The following PHF3 variants were observed in gnomAD, a reference collection of about 807,000 sequenced individuals.
PHF3 encodes PHD finger protein 3.
PHF3 carries 41 observed loss-of-function variants against 178.4 expected under a neutral mutation model. The ratio of observed to expected loss-of-function variants is 0.23; its 90% CI spans 0.18 to 0.30. The LOEUF is 0.30. Among genes scored for constraint, PHF3 ranks in the 10% least tolerant of loss-of-function variants. The pLI is 1.00. For missense variants in PHF3, 2,346 were observed against 2,398.1 expected (o/e 0.98, Z 0.45); for synonymous variants, 842 against 800.5 (o/e 1.05, Z -0.88).
At chr6:63,705,284 C>T (rs1025917500) in intron 11 of PHF3, among the ~76,000 whole-genome samples, 1 of 152,146 alleles carries the variant, frequency 6.6e-6, no homozygotes, top group Non-Finnish European at 1.5e-5. Context: ...ACATTCTCTT[C>T]TTCTAATTTT....
Position 63,709,182 on chromosome 6 carries a change from G to A in PHF3, c.3743G>A (p.Arg1248Lys), listed in dbSNP as rs1282059376. Residue 1248 changes from arginine (R) to lysine (K), a missense_variant, in exon 14 of 16, where the codon AGG (arginine) becomes AAG (lysine). This residue lies in a region of PHF3 where 90 missense variants were observed against 136.6 expected (regional missense o/e 0.66). Coordinates refer to ENST00000262043, the MANE Select transcript of PHF3 (RefSeq NM_001370348.2). ...CCAGATAGTATTCAAGTAGGTGGCA[G>A]GATATCACCTCAGACAGTTTGGGAT... Reference protein sequence around the residue: ...DLPDSIQVGGRISPQTVWDYV... With the variant: ...DLPDSIQVGGKISPQTVWDYV... 6.2e-7 allele frequency: 1 copy of A among 1,609,494 alleles called. No homozygotes were observed. The highest frequency in any genetic ancestry group is 8.5e-7 in the Non-Finnish European group (1 of 1,177,584).
rs1392927781 is a variant in PHF3, at chr6:63,679,982, T to C, written c.245-18T>C. On this transcript the variant is annotated intron_variant, in intron 2 of 15. Coordinates refer to ENST00000262043, the MANE Select transcript of PHF3 (RefSeq NM_001370348.2). ...CCCAATATTTTTAAAAGTTAATTTT[T>C]TTGTCGTTTTTTTCTAGTTGTTGGT... is the stretch of plus-strand genomic sequence containing the variant. 24 of 1,602,058 alleles carry C rather than the reference T, an allele frequency of 1.5e-5. No individual in the cohort carries two copies. Among genetic ancestry groups the C allele is most frequent in the Non-Finnish European group, 2.0e-5 (23 of 1,172,644 alleles).
chr6:63,704,812 C>T (rs188437752), intron 11 of PHF3, among the ~76,000 whole-genome samples: 84 of 152,190 alleles, frequency 5.5e-4, no homozygotes, highest in Non-Finnish European at 6.9e-4. Context: ...TATAAGAAAC[C>T]TCCAAACTAT....
Position 63,684,941 on chromosome 6 carries a change from T to A in PHF3, c.1219T>A (p.Ser407Thr). ...EPLGYCEDAE[S>T]NRQLESTEFN... ...GTTGGGTTATTGTGAAGATGCGGAG[T>A]CTAATAGGCAGTTGGAGAGCACTGA... The change falls in exon 4 of 16, where the codon TCT becomes ACT. Residue 407 changes from serine to threonine, a missense_variant. By Grantham distance (58) the Ser-to-Thr change is moderately conservative. Transcript: ENST00000262043. 1 of 1,613,834 alleles carries A rather than the reference T, an allele frequency of 6.2e-7. No individual in the cohort carries two copies. Among genetic ancestry groups the A allele is most frequent in the Non-Finnish European group, 8.5e-7 (1 of 1,179,910 alleles).
chr6:63,645,621 A>T (rs1764751779), intron 1 of PHF3, among the ~76,000 whole-genome samples: 1 of 152,160 alleles, frequency 6.6e-6, no homozygotes, highest in African/African-American at 2.4e-5. Context: ...AATTAATATT[A>T]ACTTTTTTCG....
rs1767977175 is a variant in PHF3, at chr6:63,712,266, C to G, written c.4678C>G (p.Leu1560Val). Residue 1560 changes from leucine (L) to valine (V), a missense_variant, in exon 16 of 16, where the codon CTC becomes GTC. By Grantham distance (32) the Leu-to-Val change is conservative. Transcript: ENST00000262043. ...ISAGSLTSLSLRGKPPDVSTE... is the reference protein window; with the variant it reads ...ISAGSLTSLSVRGKPPDVSTE... Reference sequence around the variant, plus strand: ...TGCAGGGTCTTTGACGAGTCTTAGTCTCAGAGGTAAGCCACCAGATGTTTC... The same window carrying G: ...TGCAGGGTCTTTGACGAGTCTTAGTGTCAGAGGTAAGCCACCAGATGTTTC... 1.2e-6 allele frequency: 2 copies of G among 1,613,932 alleles called. No individual in the cohort carries two copies. Among genetic ancestry groups the G allele is most frequent in the Non-Finnish European group, 1.7e-6 (2 of 1,179,940 alleles).
In PHF3 at chr6:63,662,781, A is replaced by G. The variant is rs534828163; in HGVS notation, c.244+15986A>G. On this transcript the variant is annotated intron_variant, in intron 2 of 15. Coordinates refer to ENST00000262043, the MANE Select transcript of PHF3 (RefSeq NM_001370348.2). ...AACAAGAACGATAAATTGTCATGGA[A>G]TGATTACATGGAAGTTTCCTGAAGT... Among the ~76,000 whole-genome samples the G allele has an allele frequency of 7.2e-5, 11 of 152,348 alleles. No individual in the cohort carries two copies. The South Asian group carries it at 8.3e-4, about 11-fold the overall frequency.
At chr6:63,703,262 T>C (rs938246516) in intron 10 of PHF3, among the ~76,000 whole-genome samples, 1 of 152,238 alleles carries the variant, frequency 6.6e-6, no homozygotes, top group African/African-American at 2.4e-5. Flanking sequence ...ATAGCTTTTC[T>C]TATTTTCAAA....
intron 6 of PHF3, among the ~76,000 whole-genome samples, chr6:63,697,373 A>G (rs191061578): frequency 6.6e-6 from 1 of 152,332 alleles, no homozygotes; most frequent in Non-Finnish European, 1.5e-5. Context: ...TGAGAGGAGA[A>G]AAAGTATGAA....
intron 2 of PHF3, among the ~76,000 whole-genome samples, chr6:63,650,488 T>C (rs942695547): frequency 1.3e-5 from 2 of 152,196 alleles, no homozygotes; most frequent in South Asian, 2.1e-4. Flanking sequence ...TAAATGACAT[T>C]GATATTATAT....
chr6:63,676,545 A>G (rs1019598435), intron 2 of PHF3, among the ~76,000 whole-genome samples: 2 of 152,128 alleles, frequency 1.3e-5, no homozygotes, highest in African/African-American at 4.8e-5. Flanking sequence ...AAAAACCTGG[A>G]GATGGGCTTA....
chr6:63,709,364 G>A (rs1767828707), intron 14 of PHF3, 124 bp downstream of exon 14: 2 of 674,878 alleles, frequency 3.0e-6, no homozygotes, highest in Non-Finnish European at 5.2e-6. Context: ...TTAAGTCTAT[G>A]TAATATACCT....
In PHF3 at chr6:63,684,174, A is replaced by G; in HGVS notation, c.452A>G (p.Asn151Ser). ...LRQSTIAKRSNAAPLSNTKKA... is the reference protein window; with the variant it reads ...LRQSTIAKRSSAAPLSNTKKA... Reference sequence around the variant, plus strand: ...CAGAGCACTATTGCCAAGCGTTCAAATGCAGCACCATTAAGTAACACAAAA... The same window carrying G: ...CAGAGCACTATTGCCAAGCGTTCAAGTGCAGCACCATTAAGTAACACAAAA... The change falls in exon 4 of 16, where the codon AAT (asparagine) becomes AGT (serine). Residue 151 changes from asparagine (N) to serine (S), a missense_variant. Physicochemically the swap from Asn to Ser is conservative, Grantham distance 46 (BLOSUM62 1). Around this residue, in one of 8 missense-constraint regions of PHF3, gnomAD observed 843 missense variants for 795.2 expected, o/e 1.06. Transcript: ENST00000262043. 5 of 1,613,654 alleles carry G rather than the reference A, an allele frequency of 3.1e-6. No individual in the cohort carries two copies. The highest frequency in any genetic ancestry group is 4.2e-6 in the Non-Finnish European group (5 of 1,179,770).
In PHF3 at chr6:63,713,947, CT is replaced by C. The variant is rs1195611981; in HGVS notation, c.*240del. On this transcript the variant is annotated 3_prime_UTR_variant, in exon 16 of 16. Transcript: ENST00000262043. ...TAATATTTTTAAAAGTTTTACATTG[CT>C]GTATATTCAAAGATTTGTTTTATTA... 2.8e-6 allele frequency: 1 copy of C among 357,926 alleles called. No homozygotes were observed. Among genetic ancestry groups the C allele is most frequent in the East Asian group, 4.3e-5 (1 of 23,062 alleles). The allele number at this position is 357,926 out of a possible 1,614,324, so 22.2% of individuals were successfully genotyped here.
chr6:63,650,149 G>C (rs1764960878), intron 2 of PHF3, among the ~76,000 whole-genome samples: 1 of 152,082 alleles, frequency 6.6e-6, no homozygotes, highest in African/African-American at 2.4e-5. Context: ...ATTGTTTTAA[G>C]ACCAACAAAA....
At chr6:63,693,050 T>A (rs923887939) in intron 5 of PHF3, among the ~76,000 whole-genome samples, 6 of 152,212 alleles carry the variant, frequency 3.9e-5, no homozygotes, top group Non-Finnish European at 8.8e-5. Context: ...CTAATATTTT[T>A]TGTCTGTCAA....
At chr6:63,687,654 T>C (rs1165724684) in intron 4 of PHF3, among the ~76,000 whole-genome samples, 1 of 152,238 alleles carries the variant, frequency 6.6e-6, no homozygotes, top group Admixed American at 6.5e-5. Context: ...TAGTAAGTTA[T>C]AATGTAACGT....
chr6:63,704,317 T>C (rs1767602149), intron 11 of PHF3, among the ~76,000 whole-genome samples: 1 of 152,112 alleles, frequency 6.6e-6, no homozygotes. Flanking sequence ...TGGACAAATG[T>C]GTAAAGACGT....
At position 63,636,081 on chromosome 6, in the gene PHF3, C is replaced by T; in HGVS notation, c.-95C>T. 1 of 391,900 alleles carries T rather than the reference C, an allele frequency of 2.6e-6. No homozygotes were observed. The highest frequency in any genetic ancestry group is 4.5e-6 in the Non-Finnish European group (1 of 222,112). The allele number at this position is 391,900 out of a possible 1,614,324, so 24.3% of individuals were successfully genotyped here. A position where few individuals can be genotyped will look rare whatever the true frequency, so the allele number is the denominator to read the frequency against. ...GCACCCACCGGGCCCCCTCCTCCTC[C>T]TCTTCGGCGGCGGCAGCGTCCACCA... On this transcript the variant is annotated 5_prime_UTR_variant, in exon 1 of 16. Coordinates refer to ENST00000262043, the MANE Select transcript of PHF3 (RefSeq NM_001370348.2).
Sources: gnomAD v4.1 joint callset for allele counts (sites outside exome capture counted in the v4.1 genomes callset) on GRCh38, gnomAD v4.1.1 for gene constraint, gnomAD v4.1.1 regional missense constraint, MANE v1.5 for transcripts, NCBI Gene and HGNC (gene_info 2026-07-23, HGNC 2026-07-21) for gene names.